Variants in MADD observed in about 807,000 individuals in gnomAD.
MADD encodes MAP kinase-activating death domain protein.
MADD carries 109 observed loss-of-function variants against 176.7 expected under a neutral mutation model. The ratio of observed to expected loss-of-function variants is 0.62; its 90% CI spans 0.53 to 0.72. The LOEUF (loss-of-function observed/expected upper bound fraction) is 0.72, where lower values mean the gene tolerates loss of function less well. Among genes scored for constraint, MADD ranks in the 30% least tolerant of loss-of-function variants. The probability of loss-of-function intolerance (pLI) is 0.00; values close to 1 mark genes in which losing one functional copy is unlikely to be tolerated. For synonymous variants in MADD, 771 were observed against 771.3 expected (o/e 1.00, Z 0.01); for missense variants, 1,914 against 2,045.5 (o/e 0.94, Z 1.24).
At chr11:47,290,589 C>G (rs201218371) in intron 18 of MADD, 21 bp from the exon 20 acceptor site, 2 of 1,607,480 alleles carry the variant, frequency 1.2e-6, no homozygotes, top group African/African-American at 1.3e-5. Context: ...TTCTCTTGAC[C>G]TCTTGATATT....
At chr11:47,274,956 T>G in exon 3 of MADD, 1 of 1,614,142 alleles carries the variant, frequency 6.2e-7, no homozygotes, top group Middle Eastern at 1.6e-4. Context: ...CTACCCCTGA[T>G]GTGAACCAGT....
At chr11:47,313,761 T>C (rs2091412109) in intron 26 of MADD, among the ~76,000 whole-genome samples, 1 of 151,700 alleles carries the variant, frequency 6.6e-6, no homozygotes, top group African/African-American at 2.4e-5. Context: ...TTTCTTTTTG[T>C]TTGTTTGTTT....
At chr11:47,293,699 A>G (rs1364755748) in intron 19 of MADD, among the ~76,000 whole-genome samples, 184 bp from the exon 22 acceptor site, 1 of 152,114 alleles carries the variant, frequency 6.6e-6, no homozygotes, top group Non-Finnish European at 1.5e-5. Context: ...GATTTGTCCT[A>G]CTTGGTTCTT....
intron 22 of MADD, among the ~76,000 whole-genome samples, chr11:47,304,741 T>C (rs573180106): frequency 6.6e-6 from 1 of 152,342 alleles, no homozygotes; most frequent in African/African-American, 2.4e-5. Context: ...ATTAATTGAT[T>C]TCCTTTTCAT....
At chr11:47,294,626 C>T (rs987709842) in intron 20 of MADD, among the ~76,000 whole-genome samples, 9 of 139,068 alleles carry the variant, frequency 6.5e-5, no homozygotes, top group Non-Finnish European at 3.0e-5. Context: ...GCTGAGATTG[C>T]GCCACTGCAC....
chr11:47,328,894 C>G (rs2095769796), intron 32 of MADD, 152 bp from the exon 37 acceptor site: 3 of 928,658 alleles, frequency 3.2e-6, no homozygotes, highest in Non-Finnish European at 5.1e-6. Flanking sequence ...CGGATCCCCT[C>G]TCCCATGGGG....
At chr11:47,298,510 G>T (rs1332154888) in intron 22 of MADD, among the ~76,000 whole-genome samples, 1 of 152,108 alleles carries the variant, frequency 6.6e-6, no homozygotes, top group African/African-American at 2.4e-5. Flanking sequence ...CAGCTCATTT[G>T]CCCATTTTTA....
At chr11:47,296,392 C>T (rs934809317) in intron 22 of MADD, among the ~76,000 whole-genome samples, 2 of 152,164 alleles carry the variant, frequency 1.3e-5, no homozygotes, top group Non-Finnish European at 2.9e-5. Context: ...TTACAGCTCT[C>T]GTTTAGTACC....
At chr11:47,284,833 T>G (rs954753239) in intron 12 of MADD, 108 bp from the exon 13 acceptor site, 4 of 1,473,614 alleles carry the variant, frequency 2.7e-6, no homozygotes, top group Non-Finnish European at 3.7e-6. Flanking sequence ...TCCCACACAT[T>G]CCTTAGGCTA....
intron 9 of MADD, 87 bp from the exon 10 acceptor site, chr11:47,282,726 T>G: frequency 2.5e-6 from 4 of 1,593,922 alleles, no homozygotes; most frequent in Non-Finnish European, 2.6e-6. Context: ...CTGGCTCTGC[T>G]TTAGACTTTT....
chr11:47,295,600 C>T, intron 21 of MADD, 21 bp downstream of exon 23: 1 of 1,613,920 alleles, frequency 6.2e-7, no homozygotes, highest in East Asian at 2.2e-5. Context: ...ACCACACTGG[C>T]ATCTTGGTGG....
intron 22 of MADD, among the ~76,000 whole-genome samples, chr11:47,298,494 T>G (rs1374382867): frequency 1.3e-5 from 2 of 152,224 alleles, no homozygotes; most frequent in African/African-American, 4.8e-5. Context: ...TTGAGAGAGA[T>G]CTATTCAGCT....
chr11:47,327,876 G>T, intron 31 of MADD: 1 of 985,332 alleles, frequency 1.0e-6, no homozygotes, highest in Non-Finnish European at 1.2e-6. Flanking sequence ...AGCCTGGGGG[G>T]CCTACTCCTT....
chr11:47,296,626 G>A (rs1215851560), intron 22 of MADD, among the ~76,000 whole-genome samples: 1 of 152,130 alleles, frequency 6.6e-6, no homozygotes, highest in Non-Finnish European at 1.5e-5. Context: ...CTATATTGCT[G>A]TGAGTAGTCT....
chr11:47,294,436 G>T (rs1207199590), intron 20 of MADD, among the ~76,000 whole-genome samples: 1 of 151,842 alleles, frequency 6.6e-6, no homozygotes, highest in Non-Finnish European at 1.5e-5. Flanking sequence ...GGCCGAGGCA[G>T]GTGGGTCACT....
exon 7 of MADD, chr11:47,279,024 T>G (rs1475923708): frequency 6.2e-7 from 1 of 1,613,996 alleles, no homozygotes; most frequent in Non-Finnish European, 8.5e-7. Context: ...AATGCAGAAG[T>G]GCTGCCTATC....
intron 10 of MADD, among the ~76,000 whole-genome samples, chr11:47,283,564 C>T (rs1038728498): frequency 2.6e-5 from 4 of 152,056 alleles, no homozygotes; most frequent in Non-Finnish European, 5.9e-5. Flanking sequence ...CCTTGCCTGG[C>T]TAATTTTTGT....
chr11:47,272,916 AG>A (rs2136155495), intron 1 of MADD, among the ~76,000 whole-genome samples: 1 of 152,356 alleles, frequency 6.6e-6, no homozygotes, highest in South Asian at 2.1e-4. Context: ...CAGAGCTAGT[AG>A]CAGTGGCCTC....
At position 47,328,862 on chromosome 11, in the gene MADD, C is replaced by T. The variant is rs368994939; in HGVS notation, c.4659+158C>T. ...CTCAGGCTGAAACAGGTCTTGAGCCCTGAGAGACAGACACACACACACGGA... is the reference window on the plus strand; with the variant it reads ...CTCAGGCTGAAACAGGTCTTGAGCCTTGAGAGACAGACACACACACACGGA... On this transcript the variant is annotated intron_variant, in intron 32 of 32. Transcript: ENST00000402192. Among the ~76,000 whole-genome samples the T allele has an allele frequency of 5.3e-5, 8 of 152,236 alleles. No individual in the cohort carries two copies. In the East Asian group the frequency reaches 1.4e-3, roughly 26 times the overall value.
Sources: allele counts gnomAD v4.1 joint callset (sites outside exome capture counted in the v4.1 genomes callset), GRCh38; gene constraint gnomAD v4.1.1; transcripts MANE v1.5; gene names NCBI Gene and HGNC (gene_info 2026-07-23, HGNC 2026-07-21).